Variants in GIPC2 observed in about 807,000 individuals in gnomAD.
GIPC2 encodes GIPC PDZ domain containing family member 2.
In GIPC2, 30 loss-of-function variants were observed where a neutral mutation model predicts 30.6. That is an observed-to-expected ratio of 0.98 (90% CI 0.73 to 1.33). The LOEUF (loss-of-function observed/expected upper bound fraction) is 1.33, where lower values mean the gene tolerates loss of function less well. Among genes scored for constraint, GIPC2 ranks in the 40% most tolerant of loss-of-function variants. The pLI, the probability that GIPC2 is intolerant of heterozygous loss-of-function variation, is 0.00. For missense variants in GIPC2, 414 were observed against 390.3 expected (o/e 1.06, Z -0.51); for synonymous variants, 167 against 150.0 (o/e 1.11, Z -0.83).
At chr1:78,072,737 T>C (rs1355530387) in intron 1 of GIPC2, among the ~76,000 whole-genome samples, 1 of 152,150 alleles carries the variant, frequency 6.6e-6, no homozygotes, top group African/African-American at 2.4e-5. Context: ...AAAGGAACCA[T>C]AATCCAGGTG....
intron 2 of GIPC2, among the ~76,000 whole-genome samples, chr1:78,085,984 C>T (rs556895918): frequency 2.8e-5 from 4 of 141,746 alleles, no homozygotes; most frequent in South Asian, 4.5e-4. Context: ...TTTATTTTTG[C>T]GTCTCTAGTT....
At chr1:78,126,565 G>A (rs971034773) in intron 5 of GIPC2, among the ~76,000 whole-genome samples, 2 of 151,700 alleles carry the variant, frequency 1.3e-5, no homozygotes, top group South Asian at 4.1e-4. Context: ...AAAAAAAGGA[G>A]AAACTTATTG....
chr1:78,112,342 C>T (rs1400468321), intron 3 of GIPC2, among the ~76,000 whole-genome samples: 1 of 152,168 alleles, frequency 6.6e-6, no homozygotes, highest in African/African-American at 2.4e-5. Flanking sequence ...CACATGTGCT[C>T]CAAGGAAGTG....
chr1:78,120,078 G>A (rs772772423), intron 4 of GIPC2, among the ~76,000 whole-genome samples: 18 of 152,190 alleles, frequency 1.2e-4, no homozygotes, highest in Non-Finnish European at 2.4e-4. Flanking sequence ...CTTTCCACCT[G>A]TGCTCAGCAC....
chr1:78,103,340 T>A (rs1662285356), intron 3 of GIPC2, among the ~76,000 whole-genome samples: 2 of 152,240 alleles, frequency 1.3e-5, no homozygotes, highest in Non-Finnish European at 2.9e-5. Context: ...TTTGCTGCTT[T>A]TAAACTGTGT....
chr1:78,067,284 C>G (rs978041899), intron 1 of GIPC2, among the ~76,000 whole-genome samples: 9 of 151,960 alleles, frequency 5.9e-5, no homozygotes, highest in Admixed American at 2.6e-4. Flanking sequence ...CATTTTCTCA[C>G]TAATAAAATG....
rs1662844205 is a variant in GIPC2, at chr1:78,129,242, A to G, written c.796+3280A>G. Among the ~76,000 whole-genome samples the G allele has an allele frequency of 2.6e-5, 4 of 152,316 alleles. No homozygotes were observed. The South Asian group carries it at 8.3e-4, about 32-fold the overall frequency. On this transcript the variant is annotated intron_variant, in intron 5 of 5. Coordinates refer to ENST00000370759, the MANE Select transcript of GIPC2 (RefSeq NM_017655.6). ...TAGAGAGGTAAAGTGTAAGGAAAGTAATTATTTGAAGAATGTAAGCCATTG... is the reference window on the plus strand; with the variant it reads ...TAGAGAGGTAAAGTGTAAGGAAAGTGATTATTTGAAGAATGTAAGCCATTG...
chr1:78,070,730 G>A (rs1261481325), intron 1 of GIPC2, among the ~76,000 whole-genome samples: 2 of 152,126 alleles, frequency 1.3e-5, no homozygotes, highest in Middle Eastern at 6.8e-3. Context: ...TGTTCTTTTG[G>A]TTATGCTGGG....
intron 3 of GIPC2, among the ~76,000 whole-genome samples, chr1:78,116,283 G>C (rs1662565413): frequency 1.3e-5 from 2 of 152,216 alleles, no homozygotes; most frequent in African/African-American, 4.8e-5. Flanking sequence ...CCACATGTGG[G>C]GATTATGGGG....
intron 3 of GIPC2, 48 bp downstream of exon 3, chr1:78,095,180 G>A (rs368418667): frequency 7.6e-7 from 1 of 1,321,264 alleles, no homozygotes; most frequent in African/African-American, 1.5e-5. Context: ...TGCTTTCCCT[G>A]GTTTATCTTT....
chr1:78,060,919 A>G (rs896912049), intron 1 of GIPC2, among the ~76,000 whole-genome samples: 10 of 151,374 alleles, frequency 6.6e-5, no homozygotes, highest in African/African-American at 2.4e-4. Context: ...TTTTAACTCA[A>G]TTAAGAGCAT....
chr1:78,085,128 T>G (rs1255531786), intron 2 of GIPC2, among the ~76,000 whole-genome samples: 1 of 152,116 alleles, frequency 6.6e-6, no homozygotes, highest in African/African-American at 2.4e-5. Context: ...TTGATGAGAG[T>G]TTTTAACATG....
intron 3 of GIPC2, among the ~76,000 whole-genome samples, chr1:78,105,154 A>C (rs1348073822): frequency 1.3e-5 from 2 of 152,214 alleles, no homozygotes; most frequent in African/African-American, 4.8e-5. Flanking sequence ...ACTTGCATTA[A>C]AATTTTTTTT....
rs575046773 is a variant in GIPC2, at chr1:78,046,015, C to G, written c.-80C>G. 108 of 1,395,688 alleles carry G rather than the reference C, an allele frequency of 7.7e-5. 2 individuals carry two copies. The East Asian group carries it at 9.9e-4, about 13-fold the overall frequency. The allele number at this position is 1,395,688 out of a possible 1,614,324, so 86.5% of individuals were successfully genotyped here. On this transcript the variant is annotated 5_prime_UTR_variant, in exon 1 of 6. Coordinates refer to ENST00000370759, the MANE Select transcript of GIPC2 (RefSeq NM_017655.6). ...AGGCTGCTTTTACCTGCGCGGGGCC[C>G]GGGGCGCAAAGTCCGAGGCGCCGGG...
chr1:78,116,179 C>G (rs918995771), intron 3 of GIPC2, among the ~76,000 whole-genome samples: 3 of 152,140 alleles, frequency 2.0e-5, no homozygotes, highest in Admixed American at 2.0e-4. Context: ...CTTTACAAAA[C>G]CATCAGATTT....
chr1:78,046,551 T>C (rs1028232100), intron 1 of GIPC2, among the ~76,000 whole-genome samples: 7 of 152,138 alleles, frequency 4.6e-5, no homozygotes, highest in African/African-American at 9.7e-5. Flanking sequence ...CAGTCCCCCT[T>C]GCTCCGAGAT....
At chr1:78,110,586 T>TCATTTCTGGAAGGGA (rs1553143981) in intron 3 of GIPC2, among the ~76,000 whole-genome samples, 1 of 152,174 alleles carries the variant, frequency 6.6e-6, no homozygotes, top group Non-Finnish European at 1.5e-5. Flanking sequence ...TTCAAAGGAA[T>TCATTTCTGGAAGGGA]CATTTCTGGA....
At chr1:78,083,616 A>C (rs1010652118) in intron 2 of GIPC2, among the ~76,000 whole-genome samples, 4 of 152,078 alleles carry the variant, frequency 2.6e-5, no homozygotes, top group Non-Finnish European at 5.9e-5. Flanking sequence ...AAAAATGATG[A>C]TTTTTCTAAT....
intron 1 of GIPC2, among the ~76,000 whole-genome samples, chr1:78,075,804 G>C (rs565432912): frequency 6.6e-6 from 1 of 152,328 alleles, no homozygotes; most frequent in South Asian, 2.1e-4. Flanking sequence ...GGAATAGGGG[G>C]ATGTGAGTCA....
Sources: gnomAD v4.1 joint callset for allele counts (sites outside exome capture counted in the v4.1 genomes callset) on GRCh38, gnomAD v4.1.1 for gene constraint, MANE v1.5 for transcripts, NCBI Gene and HGNC (gene_info 2026-07-23, HGNC 2026-07-21) for gene names.